HERC1: variants seen among roughly 807,000 people sequenced by gnomAD.
HERC1 encodes the protein HECT and RLD domain containing E3 ubiquitin protein ligase family member 1, also known as probable E3 ubiquitin-protein ligase HERC1.
Under a neutral mutation model 554.3 loss-of-function variants are expected in HERC1, and 160 were observed. The observed-to-expected ratio is 0.29, with a 90% CI of 0.25 to 0.33. The LOEUF (loss-of-function observed/expected upper bound fraction) is 0.33, where lower values mean the gene tolerates loss of function less well. HERC1 is among the 10% of genes least tolerant of loss of function. The pLI is 1.00. For synonymous variants in HERC1, 2,175 were observed against 2,131.7 expected (o/e 1.02, Z -0.56); for missense variants, 4,919 against 5,918.5 (o/e 0.83, Z 5.54).
intron 1 of HERC1, among the ~76,000 whole-genome samples, chr15:63,801,900 G>C (rs1280726958): frequency 6.6e-6 from 1 of 152,142 alleles, no homozygotes; most frequent in Non-Finnish European, 1.5e-5. Context: ...CTTCTCCTGA[G>C]CTCCAGACCT....
chr15:63,802,525 T>C (rs764637877), intron 1 of HERC1, among the ~76,000 whole-genome samples: 9 of 152,318 alleles, frequency 5.9e-5, no homozygotes, highest in African/African-American at 1.9e-4. Flanking sequence ...CAGCTAAATA[T>C]TGGCAAAGGA....
chr15:63,651,550 A>C (rs1317930777), intron 52 of HERC1, among the ~76,000 whole-genome samples, 170 bp from the exon 53 acceptor site: 1 of 152,226 alleles, frequency 6.6e-6, no homozygotes, highest in Non-Finnish European at 1.5e-5. Flanking sequence ...AATGTTTGTC[A>C]TCATGTGAAA....
intron 1 of HERC1, among the ~76,000 whole-genome samples, chr15:63,817,444 G>T (rs564283138): frequency 2.4e-4 from 36 of 152,254 alleles, no homozygotes; most frequent in Admixed American, 8.5e-4. Flanking sequence ...GCCGGGTGTG[G>T]TCGCTCACAC....
At position 63,654,171 on chromosome 15, in the gene HERC1, C is replaced by G. The variant is rs755590028; in HGVS notation, c.10238G>C (p.Gly3413Ala). 4.3e-6 allele frequency: 7 copies of G among 1,614,016 alleles called. No individual in the cohort carries two copies. The South Asian group carries it at 7.7e-5, about 18-fold the overall frequency. Reference protein sequence around the residue: ...QTTLQTLADMGGDLRKCSFIK... With the variant: ...QTTLQTLADMAGDLRKCSFIK... ...AAAGGAGCATTTTCTAAGATCTCCT[C>G]CCATATCAGCAAGTGTCTGCAGAGT... Residue 3413 changes from glycine to alanine, a missense_variant, in exon 51 of 78, where the codon GGA (glycine) becomes GCA (alanine). Gly to Ala is a moderately conservative substitution (Grantham distance 60). This residue lies in a region of HERC1 where 1,963 missense variants were observed against 2,228.6 expected (regional missense o/e 0.88). Coordinates refer to ENST00000443617, the MANE Select transcript of HERC1 (RefSeq NM_003922.4).
chr15:63,744,382 C>T (rs1159499442), intron 12 of HERC1, among the ~76,000 whole-genome samples: 1 of 152,158 alleles, frequency 6.6e-6, no homozygotes, highest in Non-Finnish European at 1.5e-5. Flanking sequence ...TCTGTGGTTC[C>T]ACAATCAGCC....
intron 25 of HERC1, among the ~76,000 whole-genome samples, chr15:63,703,253 C>T (rs948826860): frequency 3.3e-5 from 5 of 152,030 alleles, no homozygotes; most frequent in Admixed American, 2.0e-4. Context: ...AATTGTGAAA[C>T]ATTAACTGAA....
At chr15:63,811,213 C>T (rs1033939136) in intron 1 of HERC1, among the ~76,000 whole-genome samples, 9 of 152,154 alleles carry the variant, frequency 5.9e-5, no homozygotes, top group South Asian at 2.1e-4. Flanking sequence ...TATTTTCCAT[C>T]GGTGTGATAA....
intron 51 of HERC1, among the ~76,000 whole-genome samples, chr15:63,652,792 AG>A (rs2069767427): frequency 6.6e-6 from 1 of 152,112 alleles, no homozygotes; most frequent in Admixed American, 6.5e-5. Context: ...GCTGGATTAC[AG>A]GCACGTGCCA....
At chr15:63,720,158 C>A (rs1258917370) in intron 19 of HERC1, among the ~76,000 whole-genome samples, 2 of 119,166 alleles carry the variant, frequency 1.7e-5, no homozygotes, top group Non-Finnish European at 3.3e-5. Context: ...GGCTGGAGTG[C>A]AGTGGTGGCT....
At chr15:63,704,706 AT>A (rs1283440919) in intron 25 of HERC1, among the ~76,000 whole-genome samples, 2 of 148,934 alleles carry the variant, frequency 1.3e-5, no homozygotes, top group Non-Finnish European at 3.0e-5. Flanking sequence ...ACATCACTTA[AT>A]TTTTTTGATA....
At chr15:63,628,937 A>C (rs2068425849) in intron 69 of HERC1, 122 bp from the exon 70 acceptor site, 1 of 898,632 alleles carries the variant, frequency 1.1e-6, no homozygotes, top group Non-Finnish European at 1.7e-6. Context: ...ATGCATCAGC[A>C]TCAATAAAAC....
intron 34 of HERC1, among the ~76,000 whole-genome samples, chr15:63,681,244 C>G (rs1466185702): frequency 6.6e-6 from 1 of 152,010 alleles, no homozygotes; most frequent in South Asian, 2.1e-4. Flanking sequence ...CTCTGTTTCC[C>G]AGGCTGGAGT....
intron 25 of HERC1, among the ~76,000 whole-genome samples, chr15:63,705,073 G>T (rs1057002927): frequency 6.6e-6 from 1 of 151,714 alleles, no homozygotes; most frequent in Non-Finnish European, 1.5e-5. Context: ...CAGCAGCTTT[G>T]GTATGTTATG....
At chr15:63,624,415 G>C (rs2068212106) in intron 71 of HERC1, 88 bp from the exon 72 acceptor site, 2 of 1,296,342 alleles carry the variant, frequency 1.5e-6, no homozygotes, top group East Asian at 4.7e-5. Context: ...ACATTATTTT[G>C]GCTGGGCGCA....
chr15:63,609,164 T>A lies in HERC1; in HGVS notation c.14503A>T (p.Asn4835Tyr). The A allele has an allele frequency of 6.2e-7, 1 of 1,613,948 alleles. No individual in the cohort carries two copies. ...TCCATGTCGATTGAGCGGCAGTTGT[T>A]GATGGCATAGCGCAGGCGCTCGGCC... is the stretch of plus-strand genomic sequence containing the variant. ...VMAERLRYAINNCRSIDMDNY... is the reference protein window; with the variant it reads ...VMAERLRYAIYNCRSIDMDNY... Residue 4835 changes from asparagine to tyrosine, a missense_variant, in exon 78 of 78, where the codon AAC (asparagine) becomes TAC (tyrosine). By Grantham distance (143) the Asn-to-Tyr change is moderately radical (BLOSUM62 -2). Coordinates refer to ENST00000443617, the MANE Select transcript of HERC1 (RefSeq NM_003922.4).
At chr15:63,832,005 A>G (rs962964041) in intron 1 of HERC1, among the ~76,000 whole-genome samples, 8 of 152,216 alleles carry the variant, frequency 5.3e-5, no homozygotes, top group African/African-American at 1.7e-4. Flanking sequence ...AAAATTCATA[A>G]AAGTTTAGAA....
chr15:63,817,765 T>C (rs905867020), intron 1 of HERC1, among the ~76,000 whole-genome samples: 5 of 152,126 alleles, frequency 3.3e-5, no homozygotes, highest in Admixed American at 6.5e-5. Flanking sequence ...GGGTGCTAGA[T>C]AGAAATATAG....
At chr15:63,678,901 A>G (rs538849461) in intron 36 of HERC1, among the ~76,000 whole-genome samples, 8 of 152,334 alleles carry the variant, frequency 5.3e-5, no homozygotes, top group African/African-American at 1.7e-4. Flanking sequence ...TTAGCTTTTC[A>G]TTTAAAACCT....
chr15:63,787,639 T>C (rs2076500446), intron 1 of HERC1, among the ~76,000 whole-genome samples: 1 of 151,894 alleles, frequency 6.6e-6, no homozygotes, highest in Non-Finnish European at 1.5e-5. Flanking sequence ...GTGGCACACA[T>C]CTACAGTCCT....
Sources: allele counts gnomAD v4.1 joint callset (sites outside exome capture counted in the v4.1 genomes callset), GRCh38; gene constraint gnomAD v4.1.1; regional missense constraint gnomAD v4.1.1; transcripts MANE v1.5; gene names NCBI Gene and HGNC (gene_info 2026-07-23, HGNC 2026-07-21).